The following GULP1 variants were observed in gnomAD, a reference collection of about 807,000 sequenced individuals.
The protein encoded by GULP1 is PTB domain-containing engulfment adapter protein 1.
GULP1 carries 19 observed loss-of-function variants against 40.9 expected under a neutral mutation model. That is an observed-to-expected ratio of 0.46 (90% CI 0.32 to 0.68). The LOEUF is 0.68. Ranked by LOEUF, GULP1 falls within the 30% of genes least tolerant of loss-of-function variation. The pLI is 0.03. For missense variants in GULP1, 312 were observed against 362.2 expected (o/e 0.86, Z 1.12); for synonymous variants, 119 against 117.6 (o/e 1.01, Z -0.08).
chr2:188,569,347 CAA>C lies in GULP1; in HGVS notation c.513_514del (p.Arg172AsnfsTer12). On this transcript the variant is annotated frameshift_variant, in exon 8 of 12. Coordinates refer to ENST00000409830, the MANE Select transcript of GULP1 (RefSeq NM_016315.4). LOFTEE classifies it high-confidence loss of function. ...AACAAGAAAACAGATCGCAGGGTTA[CAA>C]AAAAGAGTGAGTAAACTAAGCTTGT... is the stretch of plus-strand genomic sequence containing the variant. ...VETRKQIAGL[Q>X]KRIQDLETEN... The C allele has an allele frequency of 6.8e-7, 1 of 1,480,172 alleles. No individual in the cohort carries two copies. The highest frequency in any genetic ancestry group is 9.4e-7 in the Non-Finnish European group (1 of 1,058,600). 91.7% of individuals were successfully genotyped at this position (1,480,172 alleles called of 1,614,324 possible). A position where few individuals can be genotyped will look rare whatever the true frequency, so the allele number is the denominator to read the frequency against.
chr2:188,300,144 G>A (rs2035868039), intron 1 of GULP1, among the ~76,000 whole-genome samples: 1 of 152,054 alleles, frequency 6.6e-6, no homozygotes. Flanking sequence ...CAAGGAGTAG[G>A]TTGTGCTCTC....
chr2:188,381,982 A>G (rs1446028639), intron 1 of GULP1, among the ~76,000 whole-genome samples: 1 of 152,182 alleles, frequency 6.6e-6, no homozygotes, highest in African/African-American at 2.4e-5. Context: ...GTAAGCAAAC[A>G]TTATTTTTCA....
chr2:188,390,088 G>T (rs1021420250), intron 2 of GULP1, among the ~76,000 whole-genome samples: 1 of 151,890 alleles, frequency 6.6e-6, no homozygotes, highest in South Asian at 2.1e-4. Context: ...AAAAACATAC[G>T]CATGCAGGTG....
chr2:188,406,001 G>A (rs955409010), intron 2 of GULP1, among the ~76,000 whole-genome samples: 2 of 152,248 alleles, frequency 1.3e-5, no homozygotes, highest in East Asian at 1.9e-4. Context: ...TTAAAAATAC[G>A]GTCATGTCAC....
chr2:188,545,600 G>A (rs896421118), intron 7 of GULP1, among the ~76,000 whole-genome samples: 2 of 151,558 alleles, frequency 1.3e-5, no homozygotes, highest in African/African-American at 4.8e-5. Context: ...ACACTTAAAA[G>A]CACTATAGAG....
At chr2:188,542,696 G>C (rs1211499997) in intron 7 of GULP1, among the ~76,000 whole-genome samples, 3 of 151,906 alleles carry the variant, frequency 2.0e-5, no homozygotes, top group Non-Finnish European at 4.4e-5. Flanking sequence ...AGCTCAAATT[G>C]ATTTTGAATT....
intron 2 of GULP1, among the ~76,000 whole-genome samples, chr2:188,408,028 T>G (rs1439307332): frequency 6.6e-6 from 1 of 152,230 alleles, no homozygotes; most frequent in African/African-American, 2.4e-5. Context: ...AATTTCATGT[T>G]GATAGCTCAG....
intron 2 of GULP1, among the ~76,000 whole-genome samples, chr2:188,430,658 A>G (rs1230348012): frequency 6.6e-6 from 1 of 152,216 alleles, no homozygotes; most frequent in African/African-American, 2.4e-5. Flanking sequence ...TCTGTCACTC[A>G]GCTCCATTTT....
chr2:188,498,378 A>G (rs1361613010), intron 4 of GULP1, among the ~76,000 whole-genome samples: 2 of 151,916 alleles, frequency 1.3e-5, no homozygotes, highest in Admixed American at 6.6e-5. Flanking sequence ...TTTAGATTCT[A>G]TAGAACATCT....
intron 2 of GULP1, 61 bp from the exon 3 acceptor site, chr2:188,477,598 G>T: frequency 1.2e-6 from 1 of 805,730 alleles, no homozygotes; most frequent in Non-Finnish European, 2.0e-6. Context: ...AACCACATTA[G>T]CAAAAGAGAG....
intron 5 of GULP1, among the ~76,000 whole-genome samples, chr2:188,523,527 T>C (rs1191533428): frequency 2.7e-5 from 4 of 149,968 alleles, no homozygotes; most frequent in Non-Finnish European, 5.9e-5. Flanking sequence ...TTCTCAGCTT[T>C]ATCATATAAG....
intron 1 of GULP1, among the ~76,000 whole-genome samples, chr2:188,377,406 A>G (rs1217278672): frequency 1.3e-5 from 2 of 152,138 alleles, no homozygotes; most frequent in Admixed American, 1.3e-4. Flanking sequence ...ATTTATTTCT[A>G]AATTTACCTA....
chr2:188,509,919 T>C (rs2064331539), intron 4 of GULP1, among the ~76,000 whole-genome samples: 1 of 151,976 alleles, frequency 6.6e-6, no homozygotes, highest in African/African-American at 2.4e-5. Flanking sequence ...TGTTCACTGA[T>C]GTATCCTCAT....
intron 9 of GULP1, among the ~76,000 whole-genome samples, chr2:188,574,591 A>G (rs192672551): frequency 4.7e-4 from 71 of 152,134 alleles, no homozygotes; most frequent in African/African-American, 1.6e-3. Context: ...CAAGGTTGCA[A>G]TGAGCCGTGA....
intron 2 of GULP1, among the ~76,000 whole-genome samples, chr2:188,454,462 G>A (rs1234091133): frequency 1.3e-5 from 2 of 152,112 alleles, no homozygotes; most frequent in Non-Finnish European, 2.9e-5. Context: ...TGAACAGTGG[G>A]GATCAATCAG....
intron 7 of GULP1, among the ~76,000 whole-genome samples, chr2:188,549,091 G>A (rs1692750873): frequency 6.6e-6 from 1 of 151,762 alleles, no homozygotes; most frequent in South Asian, 2.1e-4. Flanking sequence ...TTTAAAATGG[G>A]GGAAAATGAT....
intron 5 of GULP1, 27 bp from the exon 6 acceptor site, chr2:188,529,070 G>A: frequency 1.0e-6 from 1 of 973,520 alleles, no homozygotes; most frequent in South Asian, 1.4e-5. Flanking sequence ...TAGAAGTGTA[G>A]CTTTGTGAAT....
intron 3 of GULP1, among the ~76,000 whole-genome samples, chr2:188,482,343 T>C (rs184771194): frequency 6.6e-6 from 1 of 152,092 alleles, no homozygotes; most frequent in East Asian, 1.9e-4. Context: ...TTTAAAAAAA[T>C]CCAAATTTAA....
intron 7 of GULP1, among the ~76,000 whole-genome samples, chr2:188,549,991 C>T (rs1693028860): frequency 6.6e-6 from 1 of 151,658 alleles, no homozygotes; most frequent in Non-Finnish European, 1.5e-5. Context: ...AGATGAAGGA[C>T]TCTTGTCGTA....
Sources: allele counts gnomAD v4.1 joint callset (sites outside exome capture counted in the v4.1 genomes callset), GRCh38; gene constraint gnomAD v4.1.1; transcripts MANE v1.5; gene names NCBI Gene and HGNC (gene_info 2026-07-23, HGNC 2026-07-21).